The following DYNC2H1 variants were observed in gnomAD, a reference collection of about 807,000 sequenced individuals.
The protein encoded by DYNC2H1 is cytoplasmic dynein 2 heavy chain 1.
Under a neutral mutation model 570.0 loss-of-function variants are expected in DYNC2H1, and 410 were observed. The observed-to-expected ratio is 0.72, with a 90% CI of 0.66 to 0.78. The LOEUF is 0.78. Among genes scored for constraint, DYNC2H1 ranks in the 30% least tolerant of loss-of-function variants. The pLI is 0.00. For synonymous variants in DYNC2H1, 1,688 were observed against 1,677.6 expected, an observed-to-expected ratio of 1.01 and a Z score of -0.15; for missense variants, 4,865 against 5,046.4, an observed-to-expected ratio of 0.96 and a Z score of 1.09.
At position 103,157,789 on chromosome 11, in the gene DYNC2H1, C is replaced by T. The variant is rs1392628066; in HGVS notation, c.4128-888C>T. Among the ~76,000 whole-genome samples the T allele has an allele frequency of 1.3e-5, 2 of 152,108 alleles. No individual in the cohort carries two copies. The highest frequency in any genetic ancestry group is 2.4e-5 in the African/African-American group (1 of 41,442). On this transcript the variant is annotated intron_variant, in intron 26 of 88. Transcript: ENST00000375735. The surrounding 1 kb of genome is among the most constrained non-coding windows in gnomAD (Gnocchi z 4.2). ...GTAAATAAAACTTTAAAATAGTTTCCCATTGTGCTAGGGATAAAGCATGAT... is the reference window on the plus strand; with the variant it reads ...GTAAATAAAACTTTAAAATAGTTTCTCATTGTGCTAGGGATAAAGCATGAT...
At chr11:103,154,036 G>C (rs1456152050) in intron 22 of DYNC2H1, among the ~76,000 whole-genome samples, 1 of 151,822 alleles carries the variant, frequency 6.6e-6, no homozygotes, top group Non-Finnish European at 1.5e-5. Flanking sequence ...ATACTGATTA[G>C]ATTAAGGATA....
Position 103,125,194 on chromosome 11 carries a change from G to A in DYNC2H1, c.1756G>A (p.Val586Ile), listed in dbSNP as rs905664642. The change falls in exon 12 of 89, where the codon GTT (valine) becomes ATT (isoleucine). Residue 586 changes from valine (V) to isoleucine (I), a missense_variant. Physicochemically the swap from Val to Ile is conservative, Grantham distance 29 (BLOSUM62 3). This residue lies in a region of DYNC2H1 where 1,936 missense variants were observed against 1,962.1 expected (regional missense o/e 0.99). Coordinates refer to ENST00000375735, the MANE Select transcript of DYNC2H1 (RefSeq NM_001377.3). ...TCGTTTGGTGATTCTTCTGAGAGAA[G>A]TTCGTCAGCTCTCTGCACTTGGCTT... ...SDRLVILLRE[V>I]RQLSALGFVI... 6.2e-7 allele frequency: 1 copy of A among 1,613,632 alleles called. No homozygotes were observed. The highest frequency in any genetic ancestry group is 1.3e-5 in the African/African-American group (1 of 75,032).
chr11:103,119,162 T>C (rs202149760), intron 6 of DYNC2H1, among the ~76,000 whole-genome samples: 20 of 152,322 alleles, frequency 1.3e-4, no homozygotes, highest in East Asian at 1.9e-4. Context: ...GTAAGTTCCA[T>C]TGGCAACCAA....
intron 5 of DYNC2H1, among the ~76,000 whole-genome samples, 183 bp from the exon 6 acceptor site, chr11:103,117,448 A>G (rs561999485): frequency 1.3e-5 from 2 of 151,944 alleles, no homozygotes; most frequent in South Asian, 4.1e-4. Flanking sequence ...AGCAATATGT[A>G]TGTGTGATTT....
At chr11:103,412,001 T>C (rs932886524) in intron 84 of DYNC2H1, among the ~76,000 whole-genome samples, 2 of 152,178 alleles carry the variant, frequency 1.3e-5, no homozygotes, top group African/African-American at 4.8e-5. Context: ...AGAAATCGTT[T>C]AGGCTGTTTG....
intron 13 of DYNC2H1, among the ~76,000 whole-genome samples, chr11:103,132,967 A>G (rs2134767455): frequency 6.6e-6 from 1 of 152,132 alleles, no homozygotes; most frequent in South Asian, 2.1e-4. Flanking sequence ...AGCCTCATGA[A>G]TATTACCTTG....
At chr11:103,423,408 T>TAAAAAAAAAAAAAA (rs60223334) in intron 84 of DYNC2H1, among the ~76,000 whole-genome samples, 1 of 120,426 alleles carries the variant, frequency 8.3e-6, no homozygotes. Context: ...GCCAAAAAAG[T>TAAAAAAAAAAAAAA]AAAAAAAAAA....
In DYNC2H1 at chr11:103,245,476, A is replaced by G. The variant is rs556537163; in HGVS notation, c.10042+102A>G. On this transcript the variant is annotated intron_variant, in intron 65 of 88. Transcript: ENST00000375735. The surrounding 1 kb of genome is among the most constrained non-coding windows in gnomAD (Gnocchi z 4.5). ...TCAAGAGTCCTCTTCCAGTGGAGTCACACATGATGGGCTTACTTCCTTCAG... is the reference window on the plus strand; with the variant it reads ...TCAAGAGTCCTCTTCCAGTGGAGTCGCACATGATGGGCTTACTTCCTTCAG... 6.0e-6 allele frequency: 7 copies of G among 1,157,282 alleles called. No individual in the cohort carries two copies. In the African/African-American group the frequency reaches 1.1e-4, roughly 18 times the overall value. The allele number at this position is 1,157,282 out of a possible 1,614,324, so 71.7% of individuals were successfully genotyped here. A position where few individuals can be genotyped will look rare whatever the true frequency, so the allele number is the denominator to read the frequency against.
In DYNC2H1 at chr11:103,462,891, T is replaced by TAATA. The variant is rs551059420; in HGVS notation, c.12649-5697_12649-5694dup. The stretch of plus-strand genomic sequence containing the variant: ...GCTTTTATGAGGAGGGGGTAAACCT[T>TAATA]AATAGTGAAGTGTAGCGTCATACAC... On this transcript the variant is annotated intron_variant, in intron 87 of 88. Transcript: ENST00000375735. Among the ~76,000 whole-genome samples, 729 of 152,282 alleles carry TAATA rather than the reference T, an allele frequency of 4.8e-3. 12 individuals carry two copies. The highest frequency in any genetic ancestry group is 0.016 in the African/African-American group (671 of 41,560).
chr11:103,335,350 G>A (rs1939061106), intron 82 of DYNC2H1, among the ~76,000 whole-genome samples: 2 of 151,928 alleles, frequency 1.3e-5, no homozygotes, highest in Admixed American at 1.3e-4. Flanking sequence ...AGAGCTGCCT[G>A]CCCTGGTTTA....
At chr11:103,196,524 G>A (rs1862511188) in intron 47 of DYNC2H1, among the ~76,000 whole-genome samples, 1 of 152,122 alleles carries the variant, frequency 6.6e-6, no homozygotes, top group Non-Finnish European at 1.5e-5. Flanking sequence ...CCAGAACATA[G>A]GAGTTTTGCC....
intron 65 of DYNC2H1, among the ~76,000 whole-genome samples, chr11:103,248,121 C>T (rs573086162): frequency 4.6e-5 from 7 of 152,030 alleles, no homozygotes; most frequent in South Asian, 4.2e-4. Flanking sequence ...GTGGCTGTAA[C>T]GCAAGCAGTT....
chr11:103,282,045 G>A (rs1866160135), intron 71 of DYNC2H1, 134 bp from the exon 72 acceptor site: 1 of 626,394 alleles, frequency 1.6e-6, no homozygotes, highest in African/African-American at 1.9e-5. Context: ...TAACATACTA[G>A]AAGAAGTGGT....
chr11:103,391,397 T>A (rs1158558644), intron 83 of DYNC2H1, among the ~76,000 whole-genome samples: 1 of 152,200 alleles, frequency 6.6e-6, no homozygotes, highest in Non-Finnish European at 1.5e-5. Flanking sequence ...TAGCCATTCA[T>A]CTAATCTTTT....
At chr11:103,298,237 G>A (rs1158514220) in intron 75 of DYNC2H1, among the ~76,000 whole-genome samples, 2 of 151,914 alleles carry the variant, frequency 1.3e-5, no homozygotes, top group Non-Finnish European at 2.9e-5. Context: ...CTCTAAGTAT[G>A]TTTCTGGAAT....
chr11:103,347,854 AC>A, intron 82 of DYNC2H1, among the ~76,000 whole-genome samples: 1 of 152,182 alleles, frequency 6.6e-6, no homozygotes, highest in Middle Eastern at 3.4e-3. Context: ...CAGTTAGAGA[AC>A]AGTCATGCCA....
In DYNC2H1 at chr11:103,113,669, C is replaced by G. The variant is rs768081432; in HGVS notation, c.328C>G (p.Gln110Glu). ...MLESPISSLYQAVRQVFAPML... is the reference protein window; with the variant it reads ...MLESPISSLYEAVRQVFAPML... ...AGAGTCACCTATTAGTTCTCTTTAC[C>G]AAGCAGTACGGCAAGTATTCGCACC... The change falls in exon 2 of 89, where the codon CAA becomes GAA. Residue 110 changes from glutamine (Q) to glutamate (E), a missense_variant. Physicochemically the swap from Gln to Glu is conservative, Grantham distance 29. Around this residue, in one of 5 missense-constraint regions of DYNC2H1, gnomAD observed 1,936 missense variants for 1,962.1 expected, o/e 0.99. Transcript: ENST00000375735. 6.4e-7 allele frequency: 1 copy of G among 1,565,452 alleles called. No individual in the cohort carries two copies.
At chr11:103,284,581 T>C (rs1307903585) in intron 73 of DYNC2H1, among the ~76,000 whole-genome samples, 1 of 152,198 alleles carries the variant, frequency 6.6e-6, no homozygotes, top group Admixed American at 6.5e-5. Context: ...ATACTAAATG[T>C]CAATAAAGTT....
At chr11:103,430,117 C>T (rs646325) in intron 84 of DYNC2H1, among the ~76,000 whole-genome samples, 84,372 of 151,872 alleles carry the variant, frequency 0.56, 24,060 homozygotes, top group East Asian at 0.72. Flanking sequence ...GTTAGTAGTA[C>T]AAGTAATTCC....
Sources: gnomAD v4.1 joint callset for allele counts (sites outside exome capture counted in the v4.1 genomes callset) on GRCh38, gnomAD v4.1.1 for gene constraint, gnomAD v4.1.1 regional missense constraint, Gnocchi (gnomAD v3.1) non-coding constraint, MANE v1.5 for transcripts, NCBI Gene and HGNC (gene_info 2026-07-23, HGNC 2026-07-21) for gene names.